The following NARS2 variants were observed in gnomAD, a reference collection of about 807,000 sequenced individuals.
The protein encoded by NARS2 is asparaginyl-tRNA synthetase.
NARS2 carries 60 observed loss-of-function variants against 62.9 expected under a neutral mutation model. That is an observed-to-expected ratio of 0.95 (90% CI 0.77 to 1.18). The LOEUF (loss-of-function observed/expected upper bound fraction) is 1.18, where lower values mean the gene tolerates loss of function less well. Ranked by LOEUF, NARS2 falls within the 50% of genes most tolerant of loss-of-function variation. The pLI is 0.00. For synonymous variants in NARS2, 196 were observed against 200.0 expected (o/e 0.98, Z 0.17); for missense variants, 619 against 576.4 (o/e 1.07, Z -0.76).
chr11:78,507,674 C>T (rs1249081733), intron 6 of NARS2, among the ~76,000 whole-genome samples: 1 of 152,006 alleles, frequency 6.6e-6, no homozygotes, highest in Non-Finnish European at 1.5e-5. Context: ...CGCCTGACAC[C>T]ATGCCTGGCT....
intron 7 of NARS2, among the ~76,000 whole-genome samples, chr11:78,485,658 G>A (rs1391251713): frequency 6.6e-6 from 1 of 152,098 alleles, no homozygotes; most frequent in Non-Finnish European, 1.5e-5. Flanking sequence ...GTCCCTGTAG[G>A]ATAGTGTTTT....
At chr11:78,454,266 C>T (rs922611105) in intron 11 of NARS2, among the ~76,000 whole-genome samples, 2 of 152,058 alleles carry the variant, frequency 1.3e-5, no homozygotes, top group Non-Finnish European at 2.9e-5. Flanking sequence ...ATATTTGTGC[C>T]CTCCCAAATT....
At chr11:78,534,950 G>A (rs1219630118) in intron 5 of NARS2, among the ~76,000 whole-genome samples, 2 of 152,186 alleles carry the variant, frequency 1.3e-5, no homozygotes, top group East Asian at 1.9e-4. Context: ...ATAACCAAAC[G>A]TTAAAACATA....
chr11:78,478,534 T>A, intron 8 of NARS2, 51 bp downstream of exon 8: 1 of 1,315,124 alleles, frequency 7.6e-7, no homozygotes, highest in Non-Finnish European at 1.1e-6. Flanking sequence ...TTATGTATAA[T>A]TAACACATTA....
At chr11:78,452,987 G>C (rs1858027584) in intron 11 of NARS2, among the ~76,000 whole-genome samples, 1 of 152,188 alleles carries the variant, frequency 6.6e-6, no homozygotes, top group African/African-American at 2.4e-5. Context: ...ACAGGAACCA[G>C]AACTAAATCT....
At chr11:78,469,406 C>T in intron 9 of NARS2, 93 bp from the exon 10 acceptor site, 2 of 855,108 alleles carry the variant, frequency 2.3e-6, no homozygotes, top group South Asian at 2.8e-5. Context: ...ACTCCTATAT[C>T]ACACTGTGAG....
intron 6 of NARS2, among the ~76,000 whole-genome samples, chr11:78,523,525 G>C (rs1305037615): frequency 6.6e-6 from 1 of 152,152 alleles, no homozygotes; most frequent in Non-Finnish European, 1.5e-5. Context: ...AATGTTCACA[G>C]CAACATTACT....
At position 78,574,603 on chromosome 11, in the gene NARS2, A is replaced by C; in HGVS notation, c.-115T>G. 1 of 1,195,326 alleles carries C rather than the reference A, an allele frequency of 8.4e-7. No homozygotes were observed. Among genetic ancestry groups the C allele is most frequent in the Non-Finnish European group, 1.1e-6 (1 of 876,044 alleles). The allele number at this position is 1,195,326 out of a possible 1,614,324, so 74.0% of individuals were successfully genotyped here. ...CTTCCGCGGCCGCAGCTCTGCTCTA[A>C]GGCACTCCAGAGCCCCTCGGCTGCG... On this transcript the variant is annotated 5_prime_UTR_variant, in exon 1 of 14. Transcript: ENST00000281038.
At chr11:78,567,192 C>T (rs1856771191) in intron 3 of NARS2, among the ~76,000 whole-genome samples, 1 of 152,144 alleles carries the variant, frequency 6.6e-6, no homozygotes, top group African/African-American at 2.4e-5. Context: ...CCCCACTTAC[C>T]CACAGGGGAT....
chr11:78,469,871 G>T (rs1858794977), intron 9 of NARS2, among the ~76,000 whole-genome samples: 1 of 152,142 alleles, frequency 6.6e-6, no homozygotes, highest in Non-Finnish European at 1.5e-5. Context: ...GAAGGCAGAG[G>T]GGGTTTGGGG....
intron 13 of NARS2, among the ~76,000 whole-genome samples, chr11:78,439,733 G>A (rs1857518654): frequency 6.6e-6 from 1 of 152,134 alleles, no homozygotes; most frequent in Admixed American, 6.5e-5. Flanking sequence ...AAAGGCGAGG[G>A]TGTAGGTAAC....
intron 9 of NARS2, among the ~76,000 whole-genome samples, chr11:78,472,037 G>C (rs1858901047): frequency 6.6e-6 from 1 of 152,006 alleles, no homozygotes; most frequent in Non-Finnish European, 1.5e-5. Flanking sequence ...TGTACCATTG[G>C]TATGTTACTG....
chr11:78,448,785 C>G (rs557793612), intron 11 of NARS2, among the ~76,000 whole-genome samples: 45 of 152,278 alleles, frequency 3.0e-4, no homozygotes, highest in African/African-American at 9.6e-4. Context: ...GTAAGATGTT[C>G]TGCTTTCTCT....
Position 78,559,610 on chromosome 11 carries a change from A to T in NARS2, c.523T>A (p.Phe175Ile). ...AIHSFFKDSG[F>I]VHIHTPIITS... ...ATTATTGGAGTATGAATATGTACAA[A>T]GCCACTGTCCTGAAAAAGAAAACCA... Residue 175 changes from phenylalanine (F) to isoleucine (I), a missense_variant, in exon 5 of 14, where the codon TTT becomes ATT. By Grantham distance (21) the Phe-to-Ile change is conservative. Coordinates refer to ENST00000281038, the MANE Select transcript of NARS2 (RefSeq NM_024678.6). The T allele has an allele frequency of 6.2e-7, 1 of 1,611,218 alleles. No individual in the cohort carries two copies. Among genetic ancestry groups the T allele is most frequent in the Non-Finnish European group, 8.5e-7 (1 of 1,177,738 alleles).
intron 5 of NARS2, among the ~76,000 whole-genome samples, chr11:78,551,235 T>G (rs1485563556): frequency 6.6e-6 from 1 of 152,214 alleles, no homozygotes; most frequent in African/African-American, 2.4e-5. Flanking sequence ...AATGCATCAC[T>G]AGGTAATTTC....
At chr11:78,566,043 A>C in intron 4 of NARS2, 89 bp downstream of exon 4, 4 of 1,057,540 alleles carry the variant, frequency 3.8e-6, no homozygotes, top group Non-Finnish European at 5.4e-6. Context: ...ACTAACAGAC[A>C]TGTTAACATC....
At chr11:78,573,483 C>G (rs187349381) in intron 1 of NARS2, 24 of 152,414 alleles carry the variant, frequency 1.6e-4, no homozygotes, top group African/African-American at 5.8e-4. Context: ...TTGTAGTCAT[C>G]TGAGATCACA....
At chr11:78,444,728 A>AAAG (rs1565202535) in intron 11 of NARS2, among the ~76,000 whole-genome samples, 5 of 95,548 alleles carry the variant, frequency 5.2e-5, no homozygotes, top group Non-Finnish European at 8.5e-5. Context: ...CAAACAAAAC[A>AAAG]AAAAAAAAAA....
chr11:78,470,603 G>C (rs891304333), intron 9 of NARS2, among the ~76,000 whole-genome samples: 1 of 152,114 alleles, frequency 6.6e-6, no homozygotes, highest in Non-Finnish European at 1.5e-5. Flanking sequence ...TTTTGTGGAT[G>C]TGTCATAATT....
Sources: allele counts gnomAD v4.1 joint callset (sites outside exome capture counted in the v4.1 genomes callset), GRCh38; gene constraint gnomAD v4.1.1; transcripts MANE v1.5; gene names NCBI Gene and HGNC (gene_info 2026-07-23, HGNC 2026-07-21).